Variants in SLC8A1 observed in about 807,000 individuals in gnomAD.
SLC8A1 encodes the protein sodium/calcium exchanger 1.
In SLC8A1, 18 loss-of-function variants were observed where a neutral mutation model predicts 68.3. The observed-to-expected ratio is 0.26, with a 90% CI of 0.18 to 0.39. The LOEUF (loss-of-function observed/expected upper bound fraction) is 0.39, where lower values mean the gene tolerates loss of function less well. SLC8A1 is among the 10% of genes least tolerant of loss of function. The pLI is 1.00. For missense variants in SLC8A1, 985 were observed against 1,156.7 expected (o/e 0.85, Z 2.15); for synonymous variants, 475 against 415.5 (o/e 1.14, Z -1.74).
At position 40,451,034 on chromosome 2, in the gene SLC8A1, G is replaced by A. The variant is rs550277755; in HGVS notation, c.-25+870C>T. On this transcript the variant is annotated intron_variant, in intron 1 of 7. Coordinates refer to ENST00000406785, the Ensembl canonical transcript of SLC8A1. ...GATTTAAAGAATCAAGGATGCACAC[G>A]TACTGTATTTTCAAGAGCATCGCCT... is the stretch of plus-strand genomic sequence containing the variant. Among the ~76,000 whole-genome samples the A allele has an allele frequency of 2.0e-5, 3 of 152,292 alleles. No homozygotes were observed. In the South Asian group the frequency reaches 6.2e-4, roughly 32 times the overall value.
intron 2 of SLC8A1, among the ~76,000 whole-genome samples, chr2:40,385,182 G>A (rs1683156109): frequency 6.6e-6 from 1 of 151,950 alleles, no homozygotes; most frequent in Non-Finnish European, 1.5e-5. Context: ...TTAAGAGCGA[G>A]TATGTTCTTA....
intron 2 of SLC8A1, among the ~76,000 whole-genome samples, chr2:40,250,778 G>A (rs929087433): frequency 1.3e-5 from 2 of 152,106 alleles, no homozygotes; most frequent in Non-Finnish European, 2.9e-5. Context: ...TTGGGGTTTG[G>A]GGAAAGGCAA....
intron 2 of SLC8A1, among the ~76,000 whole-genome samples, chr2:40,334,580 G>A (rs1350088245): frequency 1.3e-5 from 2 of 152,140 alleles, no homozygotes; most frequent in Non-Finnish European, 2.9e-5. Flanking sequence ...CCTGGAGAAG[G>A]AAGAAGGGTA....
intron 2 of SLC8A1, among the ~76,000 whole-genome samples, chr2:40,200,247 T>A (rs866275080): frequency 0.014 from 260 of 18,006 alleles, 30 homozygotes; most frequent in Non-Finnish European, 0.028. Context: ...TAAATATATA[T>A]ATATATATAT....
At chr2:40,465,315 T>C (rs536110119) in intron 1 of SLC8A1, among the ~76,000 whole-genome samples, 84 of 127,102 alleles carry the variant, frequency 6.6e-4, no homozygotes, top group Admixed American at 1.3e-3. Context: ...ACCTATTACA[T>C]ATATATATAG....
intron 2 of SLC8A1, among the ~76,000 whole-genome samples, chr2:40,244,888 T>A (rs1257647440): frequency 1.3e-5 from 2 of 152,142 alleles, no homozygotes; most frequent in African/African-American, 2.4e-5. Context: ...AGAGAAGGAA[T>A]GTCTGGGGGA....
At chr2:40,254,974 A>G (rs1047300623) in intron 2 of SLC8A1, 7 of 151,924 alleles carry the variant, frequency 4.6e-5, no homozygotes, top group Admixed American at 3.3e-4. Flanking sequence ...CATTCCTTCT[A>G]TCTCGCCTGT....
chr2:40,357,588 G>A (rs11900629), intron 2 of SLC8A1, among the ~76,000 whole-genome samples: 1 of 150,648 alleles, frequency 6.6e-6, no homozygotes, highest in Non-Finnish European at 1.5e-5. Context: ...ACCTAATGTA[G>A]ACGACAGGTT....
At chr2:40,350,586 GCAAAAAAAA>G (rs1670752692) in intron 2 of SLC8A1, among the ~76,000 whole-genome samples, 2 of 14,110 alleles carry the variant, frequency 1.4e-4, no homozygotes, top group African/African-American at 5.3e-4. Flanking sequence ...ACCCAGACAA[GCAAAAAAAA>G]AAAAAAAAAA....
At chr2:40,421,910 G>T (rs755679652) in intron 2 of SLC8A1, among the ~76,000 whole-genome samples, 1 of 152,192 alleles carries the variant, frequency 6.6e-6, no homozygotes. Context: ...GCCAGGAGAG[G>T]AGGCAATGGA....
In SLC8A1 at chr2:40,170,481, A is replaced by T; in HGVS notation, c.1930+4344T>A. ...CAAGCAACGTTAGTTTGGGGATTCA[A>T]TGATCATAGGTCACCCCTAGGTAGG... is the stretch of plus-strand genomic sequence containing the variant. On this transcript the variant is annotated intron_variant, in intron 4 of 7. Coordinates refer to ENST00000406785, the Ensembl canonical transcript of SLC8A1. 5.4e-6 allele frequency: 4 copies of T among 738,964 alleles called. No homozygotes were observed. In the South Asian group the frequency reaches 6.7e-5, roughly 12 times the overall value. 45.8% of individuals were successfully genotyped at this position (738,964 alleles called of 1,614,324 possible).
At chr2:40,344,578 G>C (rs956966579) in intron 2 of SLC8A1, among the ~76,000 whole-genome samples, 2 of 152,104 alleles carry the variant, frequency 1.3e-5, no homozygotes, top group African/African-American at 4.8e-5. Flanking sequence ...AGAGAAAAAT[G>C]TCTGGGAGAA....
At chr2:40,258,201 G>T (rs192354196) in intron 2 of SLC8A1, among the ~76,000 whole-genome samples, 45 of 152,262 alleles carry the variant, frequency 3.0e-4, no homozygotes, top group Admixed American at 2.2e-3. Flanking sequence ...TTCCCTGACT[G>T]CCTACAGACT....
intron 7 of SLC8A1, among the ~76,000 whole-genome samples, chr2:40,130,225 G>A (rs1274394751): frequency 1.3e-5 from 2 of 152,304 alleles, no homozygotes; most frequent in East Asian, 1.9e-4. Flanking sequence ...GGCTGCATGC[G>A]GCCTATTCCC....
At chr2:40,314,346 C>A (rs1194448139) in intron 2 of SLC8A1, among the ~76,000 whole-genome samples, 1 of 151,530 alleles carries the variant, frequency 6.6e-6, no homozygotes, top group Non-Finnish European at 1.5e-5. Context: ...ATAGTTTATT[C>A]CATTCTAATC....
chr2:40,403,024 C>T (rs1689216633), intron 2 of SLC8A1, among the ~76,000 whole-genome samples: 2 of 152,134 alleles, frequency 1.3e-5, no homozygotes, highest in East Asian at 1.9e-4. Context: ...CATAATGACA[C>T]TTACATACAA....
chr2:40,311,690 A>T (rs2073706999), intron 2 of SLC8A1, among the ~76,000 whole-genome samples: 1 of 152,000 alleles, frequency 6.6e-6, no homozygotes, highest in Admixed American at 6.6e-5. Flanking sequence ...AGTTTCTATA[A>T]TTTTTTGTTG....
intron 2 of SLC8A1, among the ~76,000 whole-genome samples, chr2:40,224,912 G>A (rs1404740372): frequency 2.0e-5 from 3 of 152,136 alleles, no homozygotes; most frequent in Non-Finnish European, 1.5e-5. Context: ...CTTGAGATGT[G>A]CTTAATTTTT....
intron 4 of SLC8A1, among the ~76,000 whole-genome samples, chr2:40,169,385 T>G (rs1190279046): frequency 6.6e-6 from 1 of 152,164 alleles, no homozygotes; most frequent in Non-Finnish European, 1.5e-5. Context: ...CTCCTGACAA[T>G]TTTTAGCATG....
Sources: allele counts gnomAD v4.1 joint callset (sites outside exome capture counted in the v4.1 genomes callset), GRCh38; gene constraint gnomAD v4.1.1; transcripts MANE v1.5; gene names NCBI Gene and HGNC (gene_info 2026-07-23, HGNC 2026-07-21).